NR5A1: variants seen among roughly 807,000 people sequenced by gnomAD.
The protein encoded by NR5A1 is steroidogenic factor 1.
NR5A1 carries 6 observed loss-of-function variants against 42.7 expected under a neutral mutation model. The observed-to-expected ratio is 0.14, with a 90% CI of 0.08 to 0.28. The LOEUF is 0.28. Ranked by LOEUF, NR5A1 falls within the 10% of genes least tolerant of loss-of-function variation. The pLI is 1.00. For missense variants in NR5A1, 442 were observed against 626.4 expected, an observed-to-expected ratio of 0.71 and a Z score of 3.14; for synonymous variants, 274 against 277.5, an observed-to-expected ratio of 0.99 and a Z score of 0.12.
intron 6 of NR5A1, among the ~76,000 whole-genome samples, chr9:124,483,942 A>G (rs1403446342): frequency 6.6e-6 from 1 of 152,218 alleles, no homozygotes; most frequent in Non-Finnish European, 1.5e-5. Context: ...ATGCGCTGAC[A>G]TCCTGGCTAA....
rs544522655 is a variant in NR5A1 at position 124,501,490 on chromosome 9, T to C, written c.245-775A>G. On this transcript the variant is annotated intron_variant, in intron 3 of 6. Coordinates refer to ENST00000373588, the MANE Select transcript of NR5A1 (RefSeq NM_004959.5). The surrounding 1 kb of genome is among the most constrained non-coding windows in gnomAD (Gnocchi z 4.1). The stretch of plus-strand genomic sequence containing the variant: ...CAGGTACATCTCTGCAGCTGGAGTG[T>C]GCCCCCCGCCCCTGCTCAGACAGGG... 6.6e-6 allele frequency among the ~76,000 whole-genome samples: 1 copy of C among 152,252 alleles called. No individual in the cohort carries two copies. The highest frequency in any genetic ancestry group is 2.4e-5 in the African/African-American group (1 of 41,548).
Position 124,482,319 on chromosome 9 carries a change from TCCCCTAGTTGATA to T in NR5A1, c.*426_*438del, listed in dbSNP as rs1832138276. 3.6e-6 allele frequency: 1 copy of T among 277,842 alleles called. No individual in the cohort carries two copies. The highest frequency in any genetic ancestry group is 4.7e-5 in the Admixed American group (1 of 21,250). The allele number at this position is 277,842 out of a possible 1,614,324, so 17.2% of individuals were successfully genotyped here. On this transcript the variant is annotated 3_prime_UTR_variant, in exon 7 of 7. Transcript: ENST00000373588. The stretch of plus-strand genomic sequence containing the variant: ...GGGGAACACTGGAGACCCTCTCTCC[TCCCCTAGTTGATA>T]CCTGCTCAACTTCTCCCTGTCTGTT...
rs1017234984 is a variant in NR5A1, at chr9:124,500,139, A to G, written c.821T>C (p.Ile274Thr). ...LLCRMADQTF[I>T]SIVDWARRCM... ...CCTGCGTGCCCAGTCCACGATGGAG[A>G]TGAAGGTCTGGTCGGCCATTCTGCA... Residue 274 changes from isoleucine (I) to threonine (T), a missense_variant, in exon 4 of 7, where the codon ATC becomes ACC. Coordinates refer to ENST00000373588, the MANE Select transcript of NR5A1 (RefSeq NM_004959.5). The surrounding 1 kb of genome is among the most constrained non-coding windows in gnomAD (Gnocchi z 6.9). The G allele has an allele frequency of 6.2e-7, 1 of 1,613,014 alleles. No individual in the cohort carries two copies. Among genetic ancestry groups the G allele is most frequent in the Non-Finnish European group, 8.5e-7 (1 of 1,179,992 alleles).
chr9:124,500,291 C>T lies in NR5A1; in HGVS notation c.669G>A (p.Val223=). 6.4e-7 allele frequency: 1 copy of T among 1,568,558 alleles called. No individual in the cohort carries two copies. Among genetic ancestry groups the T allele is most frequent in the Non-Finnish European group, 8.6e-7 (1 of 1,157,114 alleles). Residue 223 remains valine, a synonymous_variant, in exon 4 of 7, where the codon GTG becomes GTA. Coordinates refer to ENST00000373588, the MANE Select transcript of NR5A1 (RefSeq NM_004959.5). This position sits in a 1 kb window ranked among gnomAD's most constrained non-coding sequence, Gnocchi z 6.9. ...YPEPFSGGPN[V]PELILQLLQL... ...GCAGCAGCTGCAGGATGAGCTCAGG[C>T]ACGTTGGGCCCTCCAGAGAAGGGCT...
Position 124,501,299 on chromosome 9 carries a change from CCTGA to C in NR5A1, c.245-588_245-585del, listed in dbSNP as rs531058158. 5.7e-4 allele frequency among the ~76,000 whole-genome samples: 87 copies of C among 152,332 alleles called. 1 individual carries two copies. In the South Asian group the frequency reaches 0.017, roughly 30 times the overall value. On this transcript the variant is annotated intron_variant, in intron 3 of 6. Transcript: ENST00000373588. This position sits in a 1 kb window ranked among gnomAD's most constrained non-coding sequence, Gnocchi z 4.1. ...GGTCCAGCTGTTTGTTGACTGACTG[CCTGA>C]CTGTTGAGCTCCTGCTTCAAAATGA...
Position 124,500,752 on chromosome 9 carries a change from T to A in NR5A1, c.245-37A>T. On this transcript the variant is annotated intron_variant, in intron 3 of 6. Transcript: ENST00000373588. The surrounding 1 kb of genome is among the most constrained non-coding windows in gnomAD (Gnocchi z 6.9). ...GGCAGAGGGTCAGACTCACCCTCTC[T>A]AAGCCCCCTTCCATGCTGCCCCACC... is the stretch of plus-strand genomic sequence containing the variant. The A allele has an allele frequency of 6.2e-7, 1 of 1,611,934 alleles. No homozygotes were observed. Among genetic ancestry groups the A allele is most frequent in the Non-Finnish European group, 8.5e-7 (1 of 1,179,984 alleles).
At chr9:124,502,927 C>T (rs970747493) in intron 3 of NR5A1, 152 bp downstream of exon 3, 11 of 1,157,626 alleles carry the variant, frequency 9.5e-6, no homozygotes, top group Admixed American at 2.8e-5. Flanking sequence ...CCAGCGCCAG[C>T]GCCCGGTTCT....
chr9:124,492,164 C>T (rs1164487870), intron 5 of NR5A1, among the ~76,000 whole-genome samples: 2 of 152,088 alleles, frequency 1.3e-5, no homozygotes, highest in Non-Finnish European at 2.9e-5. Context: ...GACCCCACGG[C>T]CCTTCCTGTG....
intron 4 of NR5A1, among the ~76,000 whole-genome samples, chr9:124,495,625 G>A (rs907713498): frequency 3.3e-5 from 5 of 152,130 alleles, no homozygotes; most frequent in Non-Finnish European, 5.9e-5. Context: ...TTGTCCCCCC[G>A]CCCCTCGCAG....
chr9:124,502,195 C>A (rs1247124746), intron 3 of NR5A1, among the ~76,000 whole-genome samples: 3 of 152,178 alleles, frequency 2.0e-5, no homozygotes, highest in Middle Eastern at 3.2e-3. Flanking sequence ...AGCTAACCTG[C>A]GGCAATGAAC....
chr9:124,495,524 C>G (rs2131282399), intron 4 of NR5A1, among the ~76,000 whole-genome samples: 1 of 152,324 alleles, frequency 6.6e-6, no homozygotes, highest in East Asian at 1.9e-4. Flanking sequence ...CTCCTGAGAC[C>G]TGGGAAGGAG....
rs1832424755 is a variant in NR5A1 at position 124,498,821 on chromosome 9, A to G, written c.870+1269T>C. ...AGCCATGACAGGCGCTCCACGGTGG[A>G]AGCCGTAGCCACCACCATCAATCCT... On this transcript the variant is annotated intron_variant, in intron 4 of 6. Coordinates refer to ENST00000373588, the MANE Select transcript of NR5A1 (RefSeq NM_004959.5). This position sits in a 1 kb window ranked among gnomAD's most constrained non-coding sequence, Gnocchi z 4.6. Among the ~76,000 whole-genome samples, 1 of 152,104 alleles carries G rather than the reference A, an allele frequency of 6.6e-6. No individual in the cohort carries two copies. Among genetic ancestry groups the G allele is most frequent in the African/African-American group, 2.4e-5 (1 of 41,416 alleles).
In NR5A1 at chr9:124,482,725, G is replaced by GGCCCCCCC; in HGVS notation, c.*32_*33insGGGGGGGC. ...CCGCCCAGGCCCCGCCCCCAGTCCCGCCCCCAGTCCCGGCCCCGCCCCCGG... is the reference window on the plus strand; with the variant it reads ...CCGCCCAGGCCCCGCCCCCAGTCCCGGCCCCCCCCCCCCAGTCCCGGCCCCGCCCCCGG... On this transcript the variant is annotated 3_prime_UTR_variant, in exon 7 of 7. Transcript: ENST00000373588. The GGCCCCCCC allele has an allele frequency of 6.0e-6, 1 of 167,204 alleles. No individual in the cohort carries two copies. The highest frequency in any genetic ancestry group is 1.0e-5 in the Non-Finnish European group (1 of 96,466). 10.4% of individuals were successfully genotyped at this position (167,204 alleles called of 1,614,324 possible). A position where few individuals can be genotyped will look rare whatever the true frequency, so the allele number is the denominator to read the frequency against.
chr9:124,503,113 G>A lies in NR5A1; in HGVS notation c.210C>T (p.Phe70=). 6.3e-7 allele frequency: 1 copy of A among 1,592,764 alleles called. No homozygotes were observed. ...GCATCCCCACCGTCAGGCATTTCTG[G>A]AAGCGGCAGAAGGGACAGCGCTTGC... ...TQRKRCPFCR[F]QKCLTVGMRL... The change falls in exon 3 of 7, where the codon TTC becomes TTT. Residue 70 remains phenylalanine, a synonymous_variant. Transcript: ENST00000373588. The surrounding 1 kb of genome is among the most constrained non-coding windows in gnomAD (Gnocchi z 9.6).
chr9:124,489,464 CG>C (rs1404140623), intron 6 of NR5A1, among the ~76,000 whole-genome samples: 4 of 152,218 alleles, frequency 2.6e-5, no homozygotes, highest in Non-Finnish European at 5.9e-5. Context: ...AAACCACAAG[CG>C]TATGAAAGTT....
chr9:124,505,706 C>T (rs1832546696), intron 1 of NR5A1, among the ~76,000 whole-genome samples: 1 of 152,190 alleles, frequency 6.6e-6, no homozygotes, highest in Non-Finnish European at 1.5e-5. Flanking sequence ...CCCGAAGCCT[C>T]TACGGGCGCA....
At chr9:124,506,029 A>T (rs116466957) in intron 1 of NR5A1, among the ~76,000 whole-genome samples, 117 of 152,350 alleles carry the variant, frequency 7.7e-4, no homozygotes, top group African/African-American at 2.6e-3. Context: ...GCAATTTTGC[A>T]TTGACAGCGG....
chr9:124,504,062 A>AGAGAGAGAGAGG (rs1326010290), intron 1 of NR5A1, among the ~76,000 whole-genome samples: 23 of 149,728 alleles, frequency 1.5e-4, no homozygotes, highest in African/African-American at 5.5e-4. Context: ...CGAGAGAGAG[A>AGAGAGAGAGAGG]GAGAGAGAGA....
intron 5 of NR5A1, among the ~76,000 whole-genome samples, chr9:124,492,827 C>T (rs1221248492): frequency 6.6e-6 from 1 of 152,226 alleles, no homozygotes. Context: ...TCCCAGGGGC[C>T]GGCGCCTCTC....
Sources: gnomAD v4.1 joint callset for allele counts (sites outside exome capture counted in the v4.1 genomes callset) on GRCh38, gnomAD v4.1.1 for gene constraint, Gnocchi (gnomAD v3.1) non-coding constraint, MANE v1.5 for transcripts, NCBI Gene and HGNC (gene_info 2026-07-23, HGNC 2026-07-21) for gene names.